The following HPCAL1 variants were observed in gnomAD, a reference collection of about 807,000 sequenced individuals.
The protein encoded by HPCAL1 is hippocalcin-like protein 1.
HPCAL1 carries 8 observed loss-of-function variants against 17.1 expected under a neutral mutation model. The observed-to-expected ratio is 0.47, with a 90% confidence interval of 0.27 to 0.84. The LOEUF is 0.84. Ranked by LOEUF, HPCAL1 falls within the 40% of genes least tolerant of loss-of-function variation. The pLI is 0.13. For missense variants in HPCAL1, 165 were observed against 271.1 expected, an observed-to-expected ratio of 0.61 and a Z score of 2.75; for synonymous variants, 112 against 111.4, an observed-to-expected ratio of 1.01 and a Z score of -0.03.
At chr2:10,303,534 G>A (rs1181726348) in intron 1 of HPCAL1, among the ~76,000 whole-genome samples, 7 of 152,186 alleles carry the variant, frequency 4.6e-5, no homozygotes, top group Non-Finnish European at 8.8e-5. Flanking sequence ...GGTGGGTGTG[G>A]GTGGTCCAGC....
In HPCAL1 at chr2:10,419,636, G is replaced by A. The variant is rs577839195; in HGVS notation, c.-24-98G>A. ...GACCCGGGAGTTGCTGAGTCGCAGC[G>A]CTTGCACAGCGATGGGCTTATTTGG... On this transcript the variant is annotated intron_variant, in intron 2 of 4. Coordinates refer to ENST00000307845, the MANE Select transcript of HPCAL1 (RefSeq NM_002149.4). This position sits in a 1 kb window ranked among gnomAD's most constrained non-coding sequence, Gnocchi z 5.0. 9.5e-5 allele frequency: 115 copies of A among 1,215,010 alleles called. No homozygotes were observed. The South Asian group carries it at 1.5e-3, about 15-fold the overall frequency. 75.3% of individuals were successfully genotyped at this position (1,215,010 alleles called of 1,614,324 possible). A position where few individuals can be genotyped will look rare whatever the true frequency, so the allele number is the denominator to read the frequency against.
At chr2:10,426,678 A>G (rs2270307) in intron 4 of HPCAL1, 46 bp from the exon 5 acceptor site, 397,646 of 1,468,992 alleles carry the variant, frequency 0.27, 56,944 homozygotes, top group Non-Finnish European at 0.3. Flanking sequence ...GGAAGCATAA[A>G]GAACAGTGAG....
At chr2:10,396,673 G>A (rs1669049462) in intron 1 of HPCAL1, among the ~76,000 whole-genome samples, 162 bp from the exon 2 acceptor site, 1 of 152,220 alleles carries the variant, frequency 6.6e-6, no homozygotes, top group Admixed American at 6.5e-5. Flanking sequence ...CCCTGTCCAT[G>A]GTGGCTGGCC....
chr2:10,359,903 C>T lies in HPCAL1; in HGVS notation c.-110-36932C>T, dbSNP rs1288313161. Reference sequence around the variant, plus strand: ...TCCTGCCTCCTTCCACAGTGCCCGCCGGGTCCACAGCGCCCGCCGGGTCCA... The same window carrying T: ...TCCTGCCTCCTTCCACAGTGCCCGCTGGGTCCACAGCGCCCGCCGGGTCCA... On this transcript the variant is annotated intron_variant, in intron 1 of 4. Transcript: ENST00000307845. This position sits in a 1 kb window ranked among gnomAD's most constrained non-coding sequence, Gnocchi z 4.1. Among the ~76,000 whole-genome samples the T allele has an allele frequency of 2.7e-5, 4 of 147,818 alleles. No individual in the cohort carries two copies. Among genetic ancestry groups the T allele is most frequent in the Admixed American group, 1.3e-4 (2 of 15,046 alleles).
intron 1 of HPCAL1, among the ~76,000 whole-genome samples, chr2:10,314,123 G>C (rs535101314): frequency 6.7e-6 from 1 of 148,812 alleles, no homozygotes; most frequent in East Asian, 2.0e-4. Context: ...GACAGAGCAA[G>C]ACTCCGTCTC....
chr2:10,327,426 T>C (rs1208933150), intron 1 of HPCAL1, among the ~76,000 whole-genome samples: 2 of 152,194 alleles, frequency 1.3e-5, no homozygotes, highest in African/African-American at 2.4e-5. Context: ...CTCTGGTTCT[T>C]TGCTTCCTGG....
chr2:10,398,963 G>T (rs1310184488), intron 2 of HPCAL1, among the ~76,000 whole-genome samples: 1 of 152,036 alleles, frequency 6.6e-6, no homozygotes, highest in East Asian at 1.9e-4. Context: ...AGAGAGTGGG[G>T]GAACATCTGG....
intron 4 of HPCAL1, 65 bp from the exon 5 acceptor site, chr2:10,426,659 A>C (rs1671426355): frequency 3.1e-6 from 4 of 1,305,730 alleles, no homozygotes; most frequent in Non-Finnish European, 3.3e-6. Flanking sequence ...AGCTGTCCCC[A>C]TCCTCTCTGG....
intron 1 of HPCAL1, among the ~76,000 whole-genome samples, chr2:10,306,302 G>A (rs1662616360): frequency 6.6e-6 from 1 of 152,070 alleles, no homozygotes; most frequent in Admixed American, 6.5e-5. Context: ...TGTGTATTCT[G>A]CTAGTTTGTC....
In HPCAL1 at chr2:10,359,940, G is replaced by A. The variant is rs552548783; in HGVS notation, c.-110-36895G>A. Reference sequence around the variant, plus strand: ...GCCCGCCGGGTCCACAGCGCCCGCCGGGTCCACAGCGCCCACCAGGTTTGA... The same window carrying A: ...GCCCGCCGGGTCCACAGCGCCCGCCAGGTCCACAGCGCCCACCAGGTTTGA... On this transcript the variant is annotated intron_variant, in intron 1 of 4. Transcript: ENST00000307845. The surrounding 1 kb of genome is among the most constrained non-coding windows in gnomAD (Gnocchi z 4.1). Among the ~76,000 whole-genome samples, 4 of 150,538 alleles carry A rather than the reference G, an allele frequency of 2.7e-5. No individual in the cohort carries two copies. The highest frequency in any genetic ancestry group is 5.9e-5 in the Non-Finnish European group (4 of 67,844).
intron 1 of HPCAL1, among the ~76,000 whole-genome samples, chr2:10,336,618 C>T (rs1341816901): frequency 2.6e-5 from 4 of 152,224 alleles, no homozygotes; most frequent in Admixed American, 2.0e-4. Context: ...ATGACCATCA[C>T]CTGTTGGTTG....
intron 1 of HPCAL1, among the ~76,000 whole-genome samples, chr2:10,364,967 G>A (rs1666757610): frequency 6.6e-6 from 1 of 152,100 alleles, no homozygotes; most frequent in African/African-American, 2.4e-5. Context: ...TCCACTGTGG[G>A]GCCTTCTACA....
intron 2 of HPCAL1, among the ~76,000 whole-genome samples, chr2:10,418,831 T>C (rs1670849030): frequency 1.3e-5 from 2 of 152,136 alleles, no homozygotes; most frequent in South Asian, 4.1e-4. Flanking sequence ...GCCTCATTTT[T>C]CCCTGGTTCC....
intron 1 of HPCAL1, among the ~76,000 whole-genome samples, chr2:10,357,744 C>T (rs758639023): frequency 1.3e-5 from 2 of 152,192 alleles, no homozygotes; most frequent in East Asian, 1.9e-4. Flanking sequence ...ATCAAGAAAG[C>T]GTGTTTTTCC....
intron 2 of HPCAL1, among the ~76,000 whole-genome samples, chr2:10,399,496 T>TCAC (rs1572818922): frequency 1.8e-3 from 88 of 48,064 alleles, no homozygotes; most frequent in Non-Finnish European, 2.8e-3. Context: ...ACCGCCACCA[T>TCAC]CACCATCACC....
At chr2:10,352,969 C>A (rs758143419) in intron 1 of HPCAL1, among the ~76,000 whole-genome samples, 1 of 152,186 alleles carries the variant, frequency 6.6e-6, no homozygotes, top group African/African-American at 2.4e-5. Context: ...GGTCACTGAA[C>A]GAGAAGACTC....
At chr2:10,424,140 G>A (rs541253473) in intron 4 of HPCAL1, 5 of 238,600 alleles carry the variant, frequency 2.1e-5, no homozygotes, top group Admixed American at 4.8e-5. Context: ...GGGATTAAAC[G>A]ATAAGCTAAT....
chr2:10,420,060 C>T lies in HPCAL1; in HGVS notation c.303C>T (p.Leu101=), dbSNP rs747115286. Residue 101 remains leucine, a synonymous_variant, in exon 3 of 5, where the codon CTC becomes CTT. Coordinates refer to ENST00000307845, the MANE Select transcript of HPCAL1 (RefSeq NM_002149.4). The stretch of plus-strand genomic sequence containing the variant: ...CGCGGGGCAAGCTGGAGCAGAAGCT[C>T]AAGTGGGCCTTCAGCATGTACGACC... ...VTSRGKLEQK[L]KWAFSMYDLD... 6.2e-7 allele frequency: 1 copy of T among 1,613,852 alleles called. No individual in the cohort carries two copies. Among genetic ancestry groups the T allele is most frequent in the Non-Finnish European group, 8.5e-7 (1 of 1,180,026 alleles).
At chr2:10,325,299 A>T (rs1663940167) in intron 1 of HPCAL1, among the ~76,000 whole-genome samples, 1 of 152,140 alleles carries the variant, frequency 6.6e-6, no homozygotes, top group African/African-American at 2.4e-5. Flanking sequence ...ACATTTTTGC[A>T]GGGTTTTCAG....
Sources: allele counts gnomAD v4.1 joint callset (sites outside exome capture counted in the v4.1 genomes callset), GRCh38; gene constraint gnomAD v4.1.1; non-coding constraint Gnocchi (gnomAD v3.1); transcripts MANE v1.5; gene names NCBI Gene and HGNC (gene_info 2026-07-23, HGNC 2026-07-21).